SRFBP1: variants seen among roughly 807,000 people sequenced by gnomAD.
SRFBP1 encodes the protein serum response factor-binding protein 1.
A neutral mutation model predicts 45.5 loss-of-function variants in SRFBP1; 47 were observed. The observed-to-expected ratio is 1.03, with a 90% CI of 0.82 to 1.32. The LOEUF is 1.32. SRFBP1 is among the 40% of genes most tolerant of loss of function. The probability of loss-of-function intolerance (pLI) is 0.00; values close to 1 mark genes in which losing one functional copy is unlikely to be tolerated. For synonymous variants in SRFBP1, 203 were observed against 166.3 expected, an observed-to-expected ratio of 1.22 and a Z score of -1.70; for missense variants, 621 against 484.6, an observed-to-expected ratio of 1.28 and a Z score of -2.64.
downstream of SRFBP1, chr5:122,076,986 A>T (rs779735609): frequency 8.7e-6 from 14 of 1,613,674 alleles, no homozygotes; most frequent in Non-Finnish European, 1.2e-5. Context: ...GGGGTCGGCC[A>T]CCAGGTCTGG....
In SRFBP1 at chr5:121,965,170, C is replaced by T. The variant is rs376947151; in HGVS notation, c.36+3102C>T. 2.1e-3 allele frequency among the ~76,000 whole-genome samples: 314 copies of T among 152,264 alleles called. 2 individuals are homozygous for T. Among genetic ancestry groups the T allele is most frequent in the Middle Eastern group, 0.01 (3 of 294 alleles). Reference sequence around the variant, plus strand: ...TTCACTCTGATGATAGTTGCTTTTGCTGTGAAGAAGCTCTTTAGTTTAATT... The same window carrying T: ...TTCACTCTGATGATAGTTGCTTTTGTTGTGAAGAAGCTCTTTAGTTTAATT... On this transcript the variant is annotated intron_variant, in intron 1 of 7. Transcript: ENST00000339397.
chr5:122,020,632 T>C lies in SRFBP1; in HGVS notation c.897T>C (p.Ser299=), dbSNP rs1580530640. The change falls in exon 6 of 8, where the codon AGT becomes AGC. Residue 299 remains serine, a synonymous_variant. Transcript: ENST00000339397. ...KVRRTRKKES[S]CHSSVKEQKP... ...GACGGACACGAAAGAAGGAAAGTAG[T>C]TGTCATTCTTCAGTTAAGGAACAAA... is the stretch of plus-strand genomic sequence containing the variant. 1 of 1,613,800 alleles carries C rather than the reference T, an allele frequency of 6.2e-7. No homozygotes were observed. Among genetic ancestry groups the C allele is most frequent in the Non-Finnish European group, 8.5e-7 (1 of 1,179,950 alleles).
intron 2 of SRFBP1, among the ~76,000 whole-genome samples, chr5:122,054,556 GT>G (rs1298974702): frequency 7.2e-5 from 11 of 152,280 alleles, no homozygotes; most frequent in Middle Eastern, 6.8e-3. Flanking sequence ...CTGTAACTGT[GT>G]TTCAATGAAC....
chr5:121,966,086 G>A (rs985672674), intron 1 of SRFBP1, among the ~76,000 whole-genome samples: 14 of 152,168 alleles, frequency 9.2e-5, no homozygotes, highest in African/African-American at 3.1e-4. Context: ...GAGATTTGGG[G>A]CTGAAACAAT....
At chr5:122,033,256 A>G (rs1753620009), downstream of SRFBP1, among the ~76,000 whole-genome samples, 1 of 148,246 alleles carries the variant, frequency 6.7e-6, no homozygotes, top group African/African-American at 2.5e-5. Flanking sequence ...TACTGCAAAT[A>G]TTTTTCCGTT....
rs530374211 is a variant in SRFBP1, at chr5:122,043,880, G to T, written n.311+21473G>T. On this transcript the variant is annotated intron_variant and non_coding_transcript_variant, in intron 2 of 2. Coordinates refer to the SRFBP1 transcript ENST00000504881. ...TTTTATTTAACTTTTAAGTTTTAGG[G>T]GTGGATGTGCAGGTTTGTTATATAG... 2.0e-5 allele frequency among the ~76,000 whole-genome samples: 3 copies of T among 151,884 alleles called. No homozygotes were observed. In the South Asian group the frequency reaches 6.3e-4, roughly 32 times the overall value.
intron 2 of SRFBP1, among the ~76,000 whole-genome samples, chr5:122,039,728 T>G (rs1753744341): frequency 1.3e-5 from 2 of 152,122 alleles, no homozygotes; most frequent in African/African-American, 4.8e-5. Context: ...ATCCAGTCTT[T>G]ACACAAGCAA....
chr5:121,982,595 C>T (rs1461556546), intron 3 of SRFBP1, among the ~76,000 whole-genome samples: 1 of 151,828 alleles, frequency 6.6e-6, no homozygotes. Flanking sequence ...TTTTGAACCG[C>T]TTGCTTCTGT....
intron 2 of SRFBP1, among the ~76,000 whole-genome samples, chr5:122,057,207 A>G (rs1432823256): frequency 6.6e-6 from 1 of 152,182 alleles, no homozygotes; most frequent in African/African-American, 2.4e-5. Flanking sequence ...ACTTGACCAT[A>G]ATGGGAGAAA....
Position 122,020,670 on chromosome 5 carries a change from A to G in SRFBP1, c.935A>G (p.Lys312Arg), listed in dbSNP as rs780494927. Residue 312 changes from lysine to arginine, a missense_variant, in exon 6 of 8, where the codon AAA becomes AGA. By Grantham distance (26) the Lys-to-Arg change is conservative. Coordinates refer to ENST00000339397, the MANE Select transcript of SRFBP1 (RefSeq NM_152546.3). ...SSVKEQKPLE[K>R]VFLKEDTGET... The stretch of plus-strand genomic sequence containing the variant: ...GTTAAGGAACAAAAACCACTAGAAA[A>G]AGTGTTTCTTAAAGAAGATACAGGT... 2 of 1,614,038 alleles carry G rather than the reference A, an allele frequency of 1.2e-6. No individual in the cohort carries two copies. Among genetic ancestry groups the G allele is most frequent in the Non-Finnish European group, 1.7e-6 (2 of 1,179,994 alleles).
intron 4 of SRFBP1, among the ~76,000 whole-genome samples, chr5:122,005,480 A>T (rs1307076354): frequency 6.6e-6 from 1 of 152,050 alleles, no homozygotes; most frequent in Non-Finnish European, 1.5e-5. Flanking sequence ...TTCCATTTGC[A>T]TGGAATATCT....
chr5:121,966,590 A>G (rs1466287850), intron 1 of SRFBP1, among the ~76,000 whole-genome samples: 1 of 152,202 alleles, frequency 6.6e-6, no homozygotes, highest in East Asian at 1.9e-4. Flanking sequence ...GTGCCATAGC[A>G]TTTAGTGCGT....
chr5:121,990,182 A>G, intron 3 of SRFBP1, among the ~76,000 whole-genome samples: 1 of 152,180 alleles, frequency 6.6e-6, no homozygotes, highest in Admixed American at 6.6e-5. Context: ...GGTGCCCATC[A>G]ATGGTAGATT....
chr5:121,961,975 G>C lies in SRFBP1; in HGVS notation c.-58G>C, dbSNP rs1397393880. The stretch of plus-strand genomic sequence containing the variant: ...CGTTGAGGGGCGTGGCGACGCAGCC[G>C]CGGTCTGAGAGACCGGTTCACGTGC... On this transcript the variant is annotated 5_prime_UTR_variant, in exon 1 of 8. Transcript: ENST00000339397. 3.7e-6 allele frequency: 6 copies of C among 1,607,870 alleles called. No individual in the cohort carries two copies. In the East Asian group the frequency reaches 1.3e-4, roughly 36 times the overall value.
rs972378730 is a variant in SRFBP1 at position 122,028,363 on chromosome 5, T to A, written c.*1237T>A. On this transcript the variant is annotated 3_prime_UTR_variant, in exon 8 of 8. Transcript: ENST00000339397. ...ACTCATGCCTATAATCCCAGCACTT[T>A]GGGAGGCTGAGGCGGGTAGATCGCT... is the stretch of plus-strand genomic sequence containing the variant. 7 of 152,186 alleles carry A rather than the reference T, an allele frequency of 4.6e-5. No individual in the cohort carries two copies. Among genetic ancestry groups the A allele is most frequent in the Non-Finnish European group, 2.9e-5 (2 of 68,072 alleles). The allele number at this position is 152,186 out of a possible 1,614,324, so 9.4% of individuals were successfully genotyped here. A position where few individuals can be genotyped will look rare whatever the true frequency, so the allele number is the denominator to read the frequency against.
rs558918952 is a variant in SRFBP1, at chr5:121,968,263, T to C, written c.37-5933T>C. 6.7e-5 allele frequency among the ~76,000 whole-genome samples: 10 copies of C among 150,252 alleles called. No individual in the cohort carries two copies. The South Asian group carries it at 2.1e-3, about 32-fold the overall frequency. On this transcript the variant is annotated intron_variant, in intron 1 of 7. Transcript: ENST00000339397. ...TTATTATTATTATTATTATTTTCTG[T>C]ACAGTAATGGGCAGGTAACGGATAC...
intron 2 of SRFBP1, among the ~76,000 whole-genome samples, chr5:122,069,738 C>T (rs561528319): frequency 5.3e-5 from 8 of 152,236 alleles, no homozygotes; most frequent in Non-Finnish European, 8.8e-5. Context: ...GGGGCTTCTA[C>T]AAGCTCACCC....
At chr5:122,070,235 G>T in intron 2 of SRFBP1, 1 of 915,016 alleles carries the variant, frequency 1.1e-6, no homozygotes, top group South Asian at 1.4e-5. Context: ...AATTGTTAAT[G>T]AGGACTTAGC....
At chr5:122,001,460 C>G in intron 4 of SRFBP1, among the ~76,000 whole-genome samples, 1 of 148,304 alleles carries the variant, frequency 6.7e-6, no homozygotes, top group Non-Finnish European at 1.5e-5. Flanking sequence ...TTTTACTCCA[C>G]ACTAAGTGTT....
Sources: gnomAD v4.1 joint callset for allele counts (sites outside exome capture counted in the v4.1 genomes callset) on GRCh38, gnomAD v4.1.1 for gene constraint, MANE v1.5 for transcripts, NCBI Gene and HGNC (gene_info 2026-07-23, HGNC 2026-07-21) for gene names.